CDK20: variants seen among roughly 807,000 people sequenced by gnomAD.
The protein encoded by CDK20 is cyclin dependent kinase 20.
In CDK20, 40 loss-of-function variants were observed where a neutral mutation model predicts 38.6. That is an observed-to-expected ratio of 1.04 (90% CI 0.81 to 1.35). The LOEUF (loss-of-function observed/expected upper bound fraction) is 1.35. CDK20 is among the 40% of genes most tolerant of loss of function. The pLI is 0.00. For synonymous variants in CDK20, 209 were observed against 185.7 expected (o/e 1.13, Z -1.02); for missense variants, 512 against 452.6 (o/e 1.13, Z -1.19).
intron 2 of CDK20, 71 bp downstream of exon 2, chr9:87,973,851 A>G: frequency 6.7e-7 from 1 of 1,499,908 alleles, no homozygotes; most frequent in South Asian, 1.2e-5. Context: ...GTAGCTGGGA[A>G]AATGAAGGCA....
chr9:87,969,948 G>C, intron 5 of CDK20, 29 bp from the exon 6 acceptor site: 2 of 1,529,450 alleles, frequency 1.3e-6, no homozygotes, highest in Non-Finnish European at 1.8e-6. Context: ...AAGCAGGTCA[G>C]AGATCTCCCA....
intron 1 of CDK20, 83 bp downstream of exon 1, chr9:87,974,287 AAG>A: frequency 7.0e-7 from 1 of 1,432,336 alleles, no homozygotes; most frequent in Non-Finnish European, 9.6e-7. Context: ...TGGATGTAAA[AAG>A]GGAACCGAAA....
chr9:87,970,567 C>T lies in CDK20; in HGVS notation c.563+1G>A. 3.7e-6 allele frequency: 6 copies of T among 1,613,878 alleles called. No individual in the cohort carries two copies. Among genetic ancestry groups the T allele is most frequent in the Non-Finnish European group, 5.1e-6 (6 of 1,179,864 alleles). On this transcript the variant is annotated splice_donor_variant, in intron 5 of 7. Transcript: ENST00000325303. LOFTEE classifies it high-confidence loss of function. ...CCTTTGACCACCCACAGGGGTCTCA[C>T]CACAGATCGACGCCCTGGTCATACT... is the stretch of plus-strand genomic sequence containing the variant.
rs200054133 is a variant in CDK20 at position 87,973,995 on chromosome 9, C to T, written c.116G>A (p.Arg39Gln). ...CTGGTTAGGGAAGCCGTCCTCCAAC[C>T]GCCTTAGGGCCACCTTCTTGAGGGC... ...IVALKKVALR[R>Q]LEDGFPNQAL... is the part of the protein sequence containing the mutation. The change falls in exon 2 of 8, where the codon CGG (arginine) becomes CAG (glutamine). Residue 39 changes from arginine (R) to glutamine (Q), a missense_variant. Physicochemically the swap from Arg to Gln is conservative, Grantham distance 43 (BLOSUM62 1). Transcript: ENST00000325303. 7 of 1,614,178 alleles carry T rather than the reference C, an allele frequency of 4.3e-6. No homozygotes were observed. In the Admixed American group the frequency reaches 8.3e-5, roughly 19 times the overall value.
chr9:87,973,997 C>T lies in CDK20; in HGVS notation c.114G>A (p.Arg38=). The T allele has an allele frequency of 6.2e-7, 1 of 1,614,190 alleles. No homozygotes were observed. The highest frequency in any genetic ancestry group is 1.1e-5 in the South Asian group (1 of 91,086). Residue 38 remains arginine, a synonymous_variant, in exon 2 of 8, where the codon AGG becomes AGA. Transcript: ENST00000325303. ...EIVALKKVAL[R]RLEDGFPNQA... is the part of the protein sequence containing the mutation. ...GGTTAGGGAAGCCGTCCTCCAACCG[C>T]CTTAGGGCCACCTTCTTGAGGGCAA...
At chr9:87,970,542 C>T in intron 5 of CDK20, 26 bp downstream of exon 5, 4 of 1,606,424 alleles carry the variant, frequency 2.5e-6, no homozygotes, top group Non-Finnish European at 3.4e-6. Flanking sequence ...GCCATGTTAC[C>T]CTTTGACCAC....
intron 2 of CDK20, among the ~76,000 whole-genome samples, chr9:87,972,114 A>AG (rs1415620328): frequency 6.6e-6 from 1 of 152,134 alleles, no homozygotes; most frequent in Non-Finnish European, 1.5e-5. Context: ...CTGAGGTGGG[A>AG]GGATCACCTG....
rs1388414234 is a variant in CDK20 at position 87,967,408 on chromosome 9, A to G, written c.*54T>C. 1 of 1,529,500 alleles carries G rather than the reference A, an allele frequency of 6.5e-7. No homozygotes were observed. Among genetic ancestry groups the G allele is most frequent in the African/African-American group, 1.4e-5 (1 of 72,676 alleles). 94.7% of individuals were successfully genotyped at this position (1,529,500 alleles called of 1,614,324 possible). A position where few individuals can be genotyped will look rare whatever the true frequency, so the allele number is the denominator to read the frequency against. ...GTGAAGCCAGGCAGGTGGCAGAGGA[A>G]CAGGTGGACTGAGTGGTCCTGAGGA... On this transcript the variant is annotated 3_prime_UTR_variant, in exon 8 of 8. Coordinates refer to ENST00000325303, the MANE Select transcript of CDK20 (RefSeq NM_001039803.3).
At chr9:87,974,346 G>A in intron 1 of CDK20, 26 bp downstream of exon 1, 1 of 1,607,772 alleles carries the variant, frequency 6.2e-7, no homozygotes, top group Admixed American at 1.7e-5. Flanking sequence ...ACCCCCGCCA[G>A]GCTGCCGGCC....
At chr9:87,967,766 G>A in intron 7 of CDK20, 107 bp from the exon 8 acceptor site, 1 of 1,011,670 alleles carries the variant, frequency 9.9e-7, no homozygotes, top group East Asian at 2.6e-5. Flanking sequence ...CAGTGTGTCT[G>A]GGTGTTTTCT....
chr9:87,970,649 G>T lies in CDK20; in HGVS notation c.501-19C>A, dbSNP rs754161953. The T allele has an allele frequency of 6.2e-7, 1 of 1,614,024 alleles. No individual in the cohort carries two copies. Among genetic ancestry groups the T allele is most frequent in the African/African-American group, 1.3e-5 (1 of 75,026 alleles). On this transcript the variant is annotated intron_variant, in intron 4 of 7. Transcript: ENST00000325303. ...GTACCACCTGCGAGGAAGAGGGCTG[G>T]CAGGCACTGGGCTGAGAAAAGGATG... is the stretch of plus-strand genomic sequence containing the variant.
At position 87,967,191 on chromosome 9, in the gene CDK20, G is replaced by C; in HGVS notation, c.*271C>G. On this transcript the variant is annotated 3_prime_UTR_variant, in exon 8 of 8. Coordinates refer to ENST00000325303, the MANE Select transcript of CDK20 (RefSeq NM_001039803.3). ...GCCTTGACTGGCAGCAGAGCTCACT[G>C]TCCTGATGGGTACGTCAGTAGCACA... is the stretch of plus-strand genomic sequence containing the variant. 1 of 677,142 alleles carries C rather than the reference G, an allele frequency of 1.5e-6. No individual in the cohort carries two copies. The highest frequency in any genetic ancestry group is 2.8e-6 in the Non-Finnish European group (1 of 363,092). 41.9% of individuals were successfully genotyped at this position (677,142 alleles called of 1,614,324 possible). A position where few individuals can be genotyped will look rare whatever the true frequency, so the allele number is the denominator to read the frequency against.
chr9:87,969,206 G>C lies in CDK20; in HGVS notation c.831C>G (p.Ile277Met), dbSNP rs1157816217. 1 of 1,614,024 alleles carries C rather than the reference G, an allele frequency of 6.2e-7. No homozygotes were observed. The highest frequency in any genetic ancestry group is 1.3e-5 in the African/African-American group (1 of 75,028). The change falls in exon 7 of 8, where the codon ATC becomes ATG. Residue 277 changes from isoleucine (I) to methionine (M), a missense_variant. Transcript: ENST00000325303. ...QFLLYPPHQR[I>M]AASKALLHQY... Reference sequence around the variant, plus strand: ...CCTCTCCCCCTACCTTGGAAGCTGCGATGCGCTGGTGAGGAGGGTAGAGAA... The same window carrying C: ...CCTCTCCCCCTACCTTGGAAGCTGCCATGCGCTGGTGAGGAGGGTAGAGAA...
rs1203256685 is a variant in CDK20 at position 87,966,549 on chromosome 9, ACTTC to A, written c.*909_*912del. The A allele has an allele frequency of 6.3e-6, 1 of 158,046 alleles. No homozygotes were observed. Among genetic ancestry groups the A allele is most frequent in the Admixed American group, 5.9e-5 (1 of 16,808 alleles). 9.8% of individuals were successfully genotyped at this position (158,046 alleles called of 1,614,324 possible). Reference sequence around the variant, plus strand: ...CATTTCCTCTTCTGCATCTGGTTCCACTTCCTTCCATGTATCTTTTATAATCACC... The same window carrying A: ...CATTTCCTCTTCTGCATCTGGTTCCACTTCCATGTATCTTTTATAATCACC... On this transcript the variant is annotated 3_prime_UTR_variant, in exon 8 of 8. Transcript: ENST00000325303.
At chr9:87,969,567 G>A in intron 6 of CDK20, 1 of 766,312 alleles carries the variant, frequency 1.3e-6, no homozygotes, top group Non-Finnish European at 2.1e-6. Context: ...AGCTTGCTGA[G>A]ACACTGCACA....
At chr9:87,973,429 G>GTCTA (rs2118334467) in intron 2 of CDK20, among the ~76,000 whole-genome samples, 1 of 151,606 alleles carries the variant, frequency 6.6e-6, no homozygotes, top group African/African-American at 2.4e-5. Context: ...AGGGAAGAAT[G>GTCTA]GACTCTCAAT....
chr9:87,970,744 G>A (rs1829789322), intron 4 of CDK20, 32 bp downstream of exon 4: 8 of 1,613,820 alleles, frequency 5.0e-6, no homozygotes, highest in Non-Finnish European at 5.9e-6. Context: ...CTTCCCCATG[G>A]AGAAGACTGG....
chr9:87,966,784 A>G lies in CDK20; in HGVS notation c.*678T>C, dbSNP rs1829462151. On this transcript the variant is annotated 3_prime_UTR_variant, in exon 8 of 8. Coordinates refer to ENST00000325303, the MANE Select transcript of CDK20 (RefSeq NM_001039803.3). ...CCCAACTGGAGCCATCCCTGGGCCT[A>G]GACTTCTGTCTCCCTCACTTCTAAA... is the stretch of plus-strand genomic sequence containing the variant. 12 of 334,806 alleles carry G rather than the reference A, an allele frequency of 3.6e-5. No individual in the cohort carries two copies. Among genetic ancestry groups the G allele is most frequent in the South Asian group, 3.0e-4 (12 of 40,290 alleles). The allele number at this position is 334,806 out of a possible 1,614,324, so 20.7% of individuals were successfully genotyped here. A position where few individuals can be genotyped will look rare whatever the true frequency, so the allele number is the denominator to read the frequency against.
chr9:87,970,665 G>A (rs12352459), intron 4 of CDK20, 35 bp from the exon 5 acceptor site: 1 of 1,613,844 alleles, frequency 6.2e-7, no homozygotes, highest in Non-Finnish European at 8.5e-7. Flanking sequence ...ACTGGGCTGA[G>A]AAAAGGATGC....
Sources: allele counts gnomAD v4.1 joint callset (sites outside exome capture counted in the v4.1 genomes callset), GRCh38; gene constraint gnomAD v4.1.1; transcripts MANE v1.5; gene names NCBI Gene and HGNC (gene_info 2026-07-23, HGNC 2026-07-21).